Variants in CUL1 observed in about 807,000 individuals in gnomAD.
The protein encoded by CUL1 is cullin 1.
CUL1 carries 24 observed loss-of-function variants against 118.0 expected under a neutral mutation model. The ratio of observed to expected loss-of-function variants is 0.20; its 90% CI spans 0.15 to 0.29. The LOEUF is 0.29. CUL1 is among the 10% of genes least tolerant of loss of function. The probability of loss-of-function intolerance (pLI) is 1.00; values close to 1 mark genes in which losing one functional copy is unlikely to be tolerated. For missense variants in CUL1, 361 were observed against 933.8 expected (o/e 0.39, Z 7.99); for synonymous variants, 332 against 340.4 (o/e 0.98, Z 0.27).
intron 1 of CUL1, among the ~76,000 whole-genome samples, chr7:148,704,265 A>G (rs1371742967): frequency 6.6e-6 from 1 of 151,722 alleles, no homozygotes; most frequent in Non-Finnish European, 1.5e-5. Context: ...CCAGAAATGC[A>G]AATCAGTGAG....
At chr7:148,737,566 ATATATT>A (rs1798992892) in intron 2 of CUL1, among the ~76,000 whole-genome samples, 1 of 137,466 alleles carries the variant, frequency 7.3e-6, no homozygotes, top group Admixed American at 7.6e-5. Flanking sequence ...GTGTATATAT[ATATATT>A]TTTATATTTA....
chr7:148,718,811 G>GT (rs1798303520), intron 1 of CUL1, among the ~76,000 whole-genome samples: 2 of 152,136 alleles, frequency 1.3e-5, no homozygotes, highest in African/African-American at 4.8e-5. Flanking sequence ...TGCCGCAGAT[G>GT]TTTAATTATT....
intron 2 of CUL1, among the ~76,000 whole-genome samples, chr7:148,735,108 T>G (rs1293695802): frequency 6.6e-6 from 1 of 152,230 alleles, no homozygotes; most frequent in East Asian, 1.9e-4. Context: ...AATCATTCAT[T>G]CATATTTGAG....
At chr7:148,752,193 A>T (rs1799512936) in intron 2 of CUL1, among the ~76,000 whole-genome samples, 1 of 152,256 alleles carries the variant, frequency 6.6e-6, no homozygotes, top group Non-Finnish European at 1.5e-5. Flanking sequence ...CATAGGAATG[A>T]TATATACCAA....
At chr7:148,759,767 T>G in intron 6 of CUL1, 129 bp downstream of exon 6, 1 of 489,900 alleles carries the variant, frequency 2.0e-6, no homozygotes, top group East Asian at 3.4e-5. Flanking sequence ...ACGAAGGTAC[T>G]TACATTTCTT....
chr7:148,708,404 A>G (rs1286285036), intron 1 of CUL1, among the ~76,000 whole-genome samples: 2 of 152,198 alleles, frequency 1.3e-5, no homozygotes, highest in Non-Finnish European at 2.9e-5. Context: ...ACCAAATCTT[A>G]CTAGTTCCTC....
At chr7:148,709,885 C>T (rs10224328) in intron 1 of CUL1, among the ~76,000 whole-genome samples, 3,793 of 151,986 alleles carry the variant, frequency 0.025, 123 homozygotes, top group African/African-American at 0.077. Flanking sequence ...GAGTTCGAGA[C>T]CAGCCTGGGC....
At position 148,787,402 on chromosome 7, in the gene CUL1, C is replaced by T. The variant is rs1453486951; in HGVS notation, c.1479+282C>T. On this transcript the variant is annotated intron_variant, in intron 13 of 21. Transcript: ENST00000325222. The surrounding 1 kb of genome is among the most constrained non-coding windows in gnomAD (Gnocchi z 5.5). Reference sequence around the variant, plus strand: ...GCATGAACCCGGGAGGCAGAGGTTGCGGTGAGCCGAGATCACACCACTACA... The same window carrying T: ...GCATGAACCCGGGAGGCAGAGGTTGTGGTGAGCCGAGATCACACCACTACA... Among the ~76,000 whole-genome samples the T allele has an allele frequency of 1.3e-5, 2 of 151,662 alleles. No homozygotes were observed. Among genetic ancestry groups the T allele is most frequent in the Non-Finnish European group, 2.9e-5 (2 of 67,876 alleles).
rs149396038 is a variant in CUL1 at position 148,800,241 on chromosome 7, G to C, written c.2251-261G>C. Among the ~76,000 whole-genome samples, 66 of 152,314 alleles carry C rather than the reference G, an allele frequency of 4.3e-4. No homozygotes were observed. Among genetic ancestry groups the C allele is most frequent in the African/African-American group, 1.4e-3 (59 of 41,574 alleles). On this transcript the variant is annotated intron_variant, in intron 21 of 21. Coordinates refer to ENST00000325222, the MANE Select transcript of CUL1 (RefSeq NM_003592.3). This position sits in a 1 kb window ranked among gnomAD's most constrained non-coding sequence, Gnocchi z 4.6. ...AGGGAGACTGGCCCACGGGGCTCCC[G>C]AAGCACCTGACTCCAGTTCCTAGGG... is the stretch of plus-strand genomic sequence containing the variant.
intron 17 of CUL1, among the ~76,000 whole-genome samples, chr7:148,796,093 T>G (rs1372849390): frequency 6.6e-6 from 1 of 152,208 alleles, no homozygotes; most frequent in Non-Finnish European, 1.5e-5. Context: ...TGTTTAACTG[T>G]GATGTTAAAG....
intron 19 of CUL1, 22 bp downstream of exon 19, chr7:148,798,041 G>A (rs943486267): frequency 2.1e-6 from 3 of 1,423,186 alleles, no homozygotes; most frequent in Non-Finnish European, 3.0e-6. Context: ...CTAATAAGTA[G>A]ATGGCCCTTG....
At position 148,799,277 on chromosome 7, in the gene CUL1, G is replaced by A. The variant is rs199518232; in HGVS notation, c.2139G>A (p.Ala713=). 53 of 1,612,102 alleles carry A rather than the reference G, an allele frequency of 3.3e-5. 1 individual carries two copies. Among genetic ancestry groups the A allele is most frequent in the African/African-American group, 1.5e-4 (11 of 74,782 alleles). ...IEEDRKLLIQ[A]AIVRIMKMRK... is the part of the protein sequence containing the mutation. ...TTTTTCCTTATCTTGTTGCATAGGC[G>A]GCCATCGTGAGAATCATGAAGATGA... Residue 713 remains alanine (A), a splice_region_variant and synonymous_variant, in exon 21 of 22, where the codon GCG becomes GCA. Coordinates refer to ENST00000325222, the MANE Select transcript of CUL1 (RefSeq NM_003592.3).
chr7:148,794,774 C>A (rs755269460), intron 17 of CUL1, among the ~76,000 whole-genome samples: 1 of 152,158 alleles, frequency 6.6e-6, no homozygotes, highest in Non-Finnish European at 1.5e-5. Context: ...TATGCATCTT[C>A]TACTACTTTC....
chr7:148,798,153 A>T (rs1801270482), intron 19 of CUL1, 134 bp downstream of exon 19: 3 of 583,968 alleles, frequency 5.1e-6, no homozygotes, highest in Non-Finnish European at 9.0e-6. Context: ...CTAGGCTGGG[A>T]GTGTGAGGTA....
At chr7:148,733,244 T>TA in intron 2 of CUL1, among the ~76,000 whole-genome samples, 1 of 152,254 alleles carries the variant, frequency 6.6e-6, no homozygotes, top group Non-Finnish European at 1.5e-5. Context: ...AAGAAGTATT[T>TA]TGATTAACTC....
intron 20 of CUL1, 76 bp downstream of exon 20, chr7:148,798,753 G>C: frequency 1.7e-6 from 2 of 1,186,392 alleles, no homozygotes; most frequent in Non-Finnish European, 2.5e-6. Context: ...GCCGTGGGGG[G>C]TAGGCGGGGG....
intron 14 of CUL1, among the ~76,000 whole-genome samples, chr7:148,789,340 C>A (rs1481404100): frequency 6.6e-6 from 1 of 152,082 alleles, no homozygotes; most frequent in Non-Finnish European, 1.5e-5. Flanking sequence ...GTGAAACATA[C>A]ACTATAATGA....
At chr7:148,734,041 GAA>G (rs1022497939) in intron 2 of CUL1, among the ~76,000 whole-genome samples, 2 of 81,994 alleles carry the variant, frequency 2.4e-5, no homozygotes, top group Non-Finnish European at 5.9e-5. Context: ...AAAAAAAAAA[GAA>G]AAGAAAAGAA....
chr7:148,761,827 C>T (rs1799840954), intron 7 of CUL1, among the ~76,000 whole-genome samples: 1 of 152,236 alleles, frequency 6.6e-6, no homozygotes, highest in South Asian at 2.1e-4. Flanking sequence ...GTCCCCAACC[C>T]TTTTGGCATC....
Sources: allele counts gnomAD v4.1 joint callset (sites outside exome capture counted in the v4.1 genomes callset), GRCh38; gene constraint gnomAD v4.1.1; non-coding constraint Gnocchi (gnomAD v3.1); transcripts MANE v1.5; gene names NCBI Gene and HGNC (gene_info 2026-07-23, HGNC 2026-07-21).